C19orf38: variants seen among roughly 807,000 people sequenced by gnomAD.
C19orf38 encodes protein HIDE1.
A neutral mutation model predicts 26.6 loss-of-function variants in C19orf38; 14 were observed. The ratio of observed to expected loss-of-function variants is 0.53; its 90% CI spans 0.35 to 0.82. The LOEUF (loss-of-function observed/expected upper bound fraction) is 0.82. Among genes scored for constraint, C19orf38 ranks in the 40% least tolerant of loss-of-function variants. The pLI is 0.01. For missense variants in C19orf38, 261 were observed against 299.5 expected, an observed-to-expected ratio of 0.87 and a Z score of 0.95; for synonymous variants, 132 against 128.5, an observed-to-expected ratio of 1.03 and a Z score of -0.18.
intron 2 of C19orf38, among the ~76,000 whole-genome samples, chr19:10,853,635 G>C (rs2073595360): frequency 6.9e-6 from 1 of 145,524 alleles, no homozygotes; most frequent in Admixed American, 7.0e-5. Flanking sequence ...TGTCGCCCAG[G>C]CTGGAGTACA....
upstream of C19orf38, among the ~76,000 whole-genome samples, chr19:10,847,369 CTTTTTTTTTTTT>C (rs918277367): frequency 2.4e-5 from 3 of 125,938 alleles, no homozygotes; most frequent in South Asian, 2.5e-4. Flanking sequence ...GTCCACTGCT[CTTTTTTTTTTTT>C]TTTTTTTTTG....
chr19:10,854,426 A>G (rs2073604497), intron 2 of C19orf38, among the ~76,000 whole-genome samples: 1 of 152,202 alleles, frequency 6.6e-6, no homozygotes, highest in South Asian at 2.1e-4. Context: ...AGCCGAGGCC[A>G]ACATGCAGCT....
upstream of C19orf38, among the ~76,000 whole-genome samples, chr19:10,847,649 G>A (rs903141840): frequency 3.9e-5 from 6 of 151,960 alleles, no homozygotes; most frequent in East Asian, 1.9e-4. Flanking sequence ...GATTACAGGC[G>A]TGAGCCACCA....
At chr19:10,854,637 T>G (rs1303913144) in intron 2 of C19orf38, among the ~76,000 whole-genome samples, 2 of 152,084 alleles carry the variant, frequency 1.3e-5, no homozygotes, top group Non-Finnish European at 2.9e-5. Flanking sequence ...TCACCTCCCT[T>G]GGGGTCAGGG....
intron 2 of C19orf38, among the ~76,000 whole-genome samples, chr19:10,855,603 A>G (rs2073616550): frequency 1.3e-5 from 2 of 152,062 alleles, no homozygotes; most frequent in South Asian, 4.1e-4. Context: ...ATCTCAGCTC[A>G]CTGCAACCTC....
chr19:10,849,248 T>G (rs1230307382), intron 1 of C19orf38, among the ~76,000 whole-genome samples: 1 of 152,162 alleles, frequency 6.6e-6, no homozygotes, highest in Non-Finnish European at 1.5e-5. Flanking sequence ...CTCAAATTCC[T>G]GGGCTCAAGC....
At chr19:10,841,313 T>C (rs555091061) in intron 1 of C19orf38, among the ~76,000 whole-genome samples, 1 of 152,054 alleles carries the variant, frequency 6.6e-6, no homozygotes, top group South Asian at 2.1e-4. Flanking sequence ...CCTACCACCA[T>C]CTTTACAAAA....
rs1217516165 is a variant in C19orf38, at chr19:10,859,378, ATATATATTTTTTT to A, written c.462-535_462-523del. ...TATATATATATATATATATATATAT[ATATATATTTTTTT>A]TTTTTTTTTTAGACGGAGTCTCACT... On this transcript the variant is annotated intron_variant, in intron 4 of 6. Coordinates refer to ENST00000397820, the MANE Select transcript of C19orf38 (RefSeq NM_001136482.3). Among the ~76,000 whole-genome samples the A allele has an allele frequency of 6.8e-3, 242 of 35,728 alleles. 1 individual carries two copies. Among genetic ancestry groups the A allele is most frequent in the African/African-American group, 0.032 (235 of 7,290 alleles). 23.4% of individuals were successfully genotyped at this position (35,728 alleles called of 152,430 possible). A position where few individuals can be genotyped will look rare whatever the true frequency, so the allele number is the denominator to read the frequency against.
At chr19:10,837,913 C>T (rs990974968) in intron 1 of C19orf38, among the ~76,000 whole-genome samples, 1 of 152,038 alleles carries the variant, frequency 6.6e-6, no homozygotes, top group African/African-American at 2.4e-5. Flanking sequence ...GATTCTCCCA[C>T]CTCAGCCTCC....
chr19:10,848,478 A>C lies in C19orf38; in HGVS notation c.-31A>C, dbSNP rs1457261975. Reference sequence around the variant, plus strand: ...GGGAGCCTTGGGCCCCTCTGGCCTCAGCCGGATTTCCCAGCCAAACGCAGA... The same window carrying C: ...GGGAGCCTTGGGCCCCTCTGGCCTCCGCCGGATTTCCCAGCCAAACGCAGA... On this transcript the variant is annotated 5_prime_UTR_variant, in exon 1 of 7. Coordinates refer to ENST00000397820, the MANE Select transcript of C19orf38 (RefSeq NM_001136482.3). 3 of 1,551,358 alleles carry C rather than the reference A, an allele frequency of 1.9e-6. No homozygotes were observed. The highest frequency in any genetic ancestry group is 2.6e-6 in the Non-Finnish European group (3 of 1,146,834).
chr19:10,852,323 C>T (rs2073581406), intron 2 of C19orf38, among the ~76,000 whole-genome samples: 1 of 152,074 alleles, frequency 6.6e-6, no homozygotes, highest in African/African-American at 2.4e-5. Context: ...TTGGGCTTGC[C>T]CAAAGACATT....
chr19:10,852,750 G>A (rs902066331), intron 2 of C19orf38, among the ~76,000 whole-genome samples: 1 of 152,062 alleles, frequency 6.6e-6, no homozygotes, highest in East Asian at 1.9e-4. Context: ...GGAGGATCGT[G>A]GGGGGTCTTG....
chr19:10,863,444 A>G (rs1235351274), intron 6 of C19orf38, among the ~76,000 whole-genome samples: 1 of 152,066 alleles, frequency 6.6e-6, no homozygotes, highest in East Asian at 1.9e-4. Flanking sequence ...TTGTGGCCAC[A>G]GGCAGGCAGG....
At chr19:10,842,086 A>C in intron 1 of C19orf38, 1 of 1,593,286 alleles carries the variant, frequency 6.3e-7, no homozygotes, top group Non-Finnish European at 8.6e-7. Flanking sequence ...AGTATGGCTC[A>C]GCAGACTCCC....
Position 10,869,623 on chromosome 19 carries a change from G to T in C19orf38, c.*256G>T, listed in dbSNP as rs2073784689. On this transcript the variant is annotated 3_prime_UTR_variant, in exon 7 of 7. Transcript: ENST00000397820. Reference sequence around the variant, plus strand: ...GGACCACCAGAGAAGGAGATGTCAGGACCCCTTCTTGTCCCCCAGCTGGGC... The same window carrying T: ...GGACCACCAGAGAAGGAGATGTCAGTACCCCTTCTTGTCCCCCAGCTGGGC... The T allele has an allele frequency of 1.0e-5, 5 of 488,524 alleles. No homozygotes were observed. The highest frequency in any genetic ancestry group is 4.0e-5 in the African/African-American group (2 of 50,140). The allele number at this position is 488,524 out of a possible 1,614,324, so 30.3% of individuals were successfully genotyped here. A position where few individuals can be genotyped will look rare whatever the true frequency, so the allele number is the denominator to read the frequency against.
chr19:10,844,568 C>T (rs1178319516), upstream of C19orf38, among the ~76,000 whole-genome samples: 1 of 151,328 alleles, frequency 6.6e-6, no homozygotes, highest in Admixed American at 6.6e-5. Flanking sequence ...AAAAGAAAGG[C>T]CGGGTGCAGT....
rs376918290 is a variant in C19orf38 at position 10,840,299 on chromosome 19, A to G, written c.-69+3529A>G. Among the ~76,000 whole-genome samples the G allele has an allele frequency of 1.2e-4, 18 of 152,104 alleles. No homozygotes were observed. The South Asian group carries it at 2.1e-3, about 18-fold the overall frequency. On this transcript the variant is annotated intron_variant, in intron 1 of 7. Transcript: ENST00000592854. ...TTCCAGTTTCTCTACATCCTCACCA[A>G]CACTTGTTACTTTGCATTTTGTTTT...
intron 2 of C19orf38, among the ~76,000 whole-genome samples, chr19:10,852,229 A>G (rs147777640): frequency 2.9e-3 from 442 of 152,158 alleles, no homozygotes; most frequent in African/African-American, 0.01. Context: ...CCTCCAGAGT[A>G]GCTGGGATTA....
At position 10,863,201 on chromosome 19, in the gene C19orf38, C is replaced by T. The variant is rs764018765; in HGVS notation, c.537C>T (p.Val179=). 5.8e-6 allele frequency: 9 copies of T among 1,551,388 alleles called. No homozygotes were observed. Among genetic ancestry groups the T allele is most frequent in the Non-Finnish European group, 7.8e-6 (9 of 1,146,758 alleles). Residue 179 remains valine (V), a synonymous_variant, in exon 6 of 7, where the codon GTC becomes GTT. Transcript: ENST00000397820. ...DMSFDNSLFT[V]SAKTMPEEDP... is the part of the protein sequence containing the mutation. Reference sequence around the variant, plus strand: ...CCTTCGATAACTCCCTGTTTACCGTCTCCGCGGTGAGTGGTTCTTTTTCTT... The same window carrying T: ...CCTTCGATAACTCCCTGTTTACCGTTTCCGCGGTGAGTGGTTCTTTTTCTT...
Sources: allele counts gnomAD v4.1 joint callset (sites outside exome capture counted in the v4.1 genomes callset), GRCh38; gene constraint gnomAD v4.1.1; transcripts MANE v1.5; gene names NCBI Gene and HGNC (gene_info 2026-07-23, HGNC 2026-07-21).